The following CRTAP variants were observed in gnomAD, a reference collection of about 807,000 sequenced individuals.
CRTAP encodes the protein cartilage associated protein, also known as cartilage-associated protein.
CRTAP carries 33 observed loss-of-function variants against 42.7 expected under a neutral mutation model. That is an observed-to-expected ratio of 0.77 (90% CI 0.59 to 1.03). The LOEUF (loss-of-function observed/expected upper bound fraction) is 1.03. CRTAP is among the 50% of genes least tolerant of loss of function. The pLI, the probability that CRTAP is intolerant of heterozygous loss-of-function variation, is 0.00. For synonymous variants in CRTAP, 243 were observed against 217.7 expected (o/e 1.12, Z -1.02); for missense variants, 613 against 533.9 (o/e 1.15, Z -1.46).
chr3:33,130,929 A>G lies in CRTAP; in HGVS notation c.922+862A>G, dbSNP rs556194913. Among the ~76,000 whole-genome samples the G allele has an allele frequency of 3.3e-5, 5 of 152,134 alleles. No homozygotes were observed. In the East Asian group the frequency reaches 9.6e-4, roughly 29 times the overall value. Reference sequence around the variant, plus strand: ...ACAATGGGAAGCAAACGTGGGAGAGAAGGAAGTTCAGGGTTAGACTTCAGA... The same window carrying G: ...ACAATGGGAAGCAAACGTGGGAGAGGAGGAAGTTCAGGGTTAGACTTCAGA... On this transcript the variant is annotated intron_variant, in intron 4 of 6. Coordinates refer to ENST00000320954, the MANE Select transcript of CRTAP (RefSeq NM_006371.5).
rs375037143 is a variant in CRTAP, at chr3:33,119,945, C to T, written c.472-399C>T. 5.3e-5 allele frequency among the ~76,000 whole-genome samples: 8 copies of T among 152,180 alleles called. No homozygotes were observed. In the East Asian group the frequency reaches 7.7e-4, roughly 15 times the overall value. ...TAAGGGACATAGCAGCCCAAGAGGA[C>T]TGTGCAGGGAGGGAACCAGGAAATG... On this transcript the variant is annotated intron_variant, in intron 1 of 6. Transcript: ENST00000320954.
chr3:33,124,715 A>G, intron 3 of CRTAP, 136 bp downstream of exon 3: 1 of 982,374 alleles, frequency 1.0e-6, no homozygotes, highest in Non-Finnish European at 1.6e-6. Context: ...CGGGTAACTG[A>G]GGGTAGTCAC....
At chr3:33,126,624 G>A (rs1231573154) in intron 3 of CRTAP, among the ~76,000 whole-genome samples, 2 of 152,166 alleles carry the variant, frequency 1.3e-5, no homozygotes, top group Non-Finnish European at 2.9e-5. Flanking sequence ...TATATGTATT[G>A]TAAATCAAAG....
chr3:33,134,119 C>G lies in CRTAP; in HGVS notation c.1069-63C>G, dbSNP rs377343012. The G allele has an allele frequency of 1.2e-4, 131 of 1,127,596 alleles. No individual in the cohort carries two copies. The African/African-American group carries it at 1.6e-3, about 14-fold the overall frequency. The allele number at this position is 1,127,596 out of a possible 1,614,324, so 69.8% of individuals were successfully genotyped here. A position where few individuals can be genotyped will look rare whatever the true frequency, so the allele number is the denominator to read the frequency against. On this transcript the variant is annotated intron_variant, in intron 5 of 6. Transcript: ENST00000320954. ...AAAAAACCCCATATCCTGTTCCTCC[C>G]TCCTCCCAGTTCTAAGATGAAAAGG...
rs1553617156 is a variant in CRTAP at position 33,125,503 on chromosome 3, T to TTG, written c.793+925_793+926insGT. Among the ~76,000 whole-genome samples, 7 of 146,396 alleles carry TTG rather than the reference T, an allele frequency of 4.8e-5. 1 individual carries two copies. Among genetic ancestry groups the TTG allele is most frequent in the South Asian group, 2.2e-4 (1 of 4,538 alleles). ...TTCTACAAAGTAGGTTTTTTTTTTT[T>TTG]TTTTTTTTTTTTGCCTTAAGAAAAC... On this transcript the variant is annotated intron_variant, in intron 3 of 6. Transcript: ENST00000320954.
intron 2 of CRTAP, among the ~76,000 whole-genome samples, chr3:33,120,798 C>G (rs1212185427): frequency 2.0e-5 from 3 of 151,864 alleles, no homozygotes; most frequent in Non-Finnish European, 2.9e-5. Context: ...TCTAAAATGA[C>G]CAGGAACACA....
At position 33,142,595 on chromosome 3, in the gene CRTAP, T is replaced by C; in HGVS notation, c.*147T>C. The C allele has an allele frequency of 2.9e-6, 2 of 701,352 alleles. No homozygotes were observed. The highest frequency in any genetic ancestry group is 4.9e-6 in the Non-Finnish European group (2 of 407,916). 43.4% of individuals were successfully genotyped at this position (701,352 alleles called of 1,614,324 possible). A position where few individuals can be genotyped will look rare whatever the true frequency, so the allele number is the denominator to read the frequency against. On this transcript the variant is annotated 3_prime_UTR_variant, in exon 7 of 7. Transcript: ENST00000320954. ...AAGCCCCCGTCTCTCTAACTGCATG[T>C]CATCAGGGGTGAGCCTGCCTTTCCT...
chr3:33,140,263 C>T (rs767061669), intron 6 of CRTAP, among the ~76,000 whole-genome samples: 103 of 152,304 alleles, frequency 6.8e-4, no homozygotes, highest in African/African-American at 1.3e-3. Flanking sequence ...CTAATGAACA[C>T]GCCAAGCTTA....
intron 1 of CRTAP, among the ~76,000 whole-genome samples, chr3:33,118,110 G>C (rs1483054350): frequency 6.6e-6 from 1 of 152,060 alleles, no homozygotes; most frequent in Non-Finnish European, 1.5e-5. Flanking sequence ...ACAAGCACCT[G>C]CCACTGTGCC....
In CRTAP at chr3:33,114,036, T is replaced by TC; in HGVS notation, c.-39dup. 1 of 1,389,972 alleles carries TC rather than the reference T, an allele frequency of 7.2e-7. No homozygotes were observed. Among genetic ancestry groups the TC allele is most frequent in the Non-Finnish European group, 9.5e-7 (1 of 1,058,178 alleles). The allele number at this position is 1,389,972 out of a possible 1,614,324, so 86.1% of individuals were successfully genotyped here. On this transcript the variant is annotated 5_prime_UTR_variant, in exon 1 of 7. Transcript: ENST00000320954. ...TTTCCTTTCCTTCTCCCTCCCCTTT[T>TC]CCCTTCCTTCGTCCCTTCCTTCCTT...
intron 2 of CRTAP, 124 bp downstream of exon 2, chr3:33,120,617 T>C (rs964141037): frequency 7.0e-7 from 1 of 1,419,546 alleles, no homozygotes; most frequent in Admixed American, 2.0e-5. Context: ...CTGAATATTA[T>C]GACAATAGAA....
intron 2 of CRTAP, among the ~76,000 whole-genome samples, chr3:33,122,374 G>A (rs373904514): frequency 6.6e-6 from 1 of 151,994 alleles, no homozygotes; most frequent in Non-Finnish European, 1.5e-5. Flanking sequence ...TTCTCAGCCT[G>A]TCTTATTTCC....
intron 5 of CRTAP, among the ~76,000 whole-genome samples, chr3:33,133,138 ACTC>A (rs2030318727): frequency 1.3e-5 from 2 of 152,224 alleles, no homozygotes; most frequent in Admixed American, 1.3e-4. Context: ...ATCTGTAAAA[ACTC>A]TACAAATTTC....
chr3:33,126,606 C>G (rs1293425899), intron 3 of CRTAP, among the ~76,000 whole-genome samples: 1 of 152,138 alleles, frequency 6.6e-6, no homozygotes, highest in East Asian at 1.9e-4. Flanking sequence ...TTTGATACAG[C>G]TAAGATATAT....
At chr3:33,114,722 C>G (rs569782999) in intron 1 of CRTAP, among the ~76,000 whole-genome samples, 174 bp downstream of exon 1, 22 of 152,348 alleles carry the variant, frequency 1.4e-4, no homozygotes, top group African/African-American at 5.3e-4. Flanking sequence ...TTCATCTCAA[C>G]TAGAGATGAA....
chr3:33,140,661 CA>C (rs11308010), intron 6 of CRTAP, among the ~76,000 whole-genome samples: 6,633 of 152,258 alleles, frequency 0.044, 378 homozygotes, highest in African/African-American at 0.13. Context: ...AGGTTTATTA[CA>C]GTTTCAGAAA....
intron 3 of CRTAP, among the ~76,000 whole-genome samples, chr3:33,129,721 T>TA (rs1269680614): frequency 2.6e-5 from 4 of 151,826 alleles, no homozygotes; most frequent in South Asian, 2.1e-4. Flanking sequence ...GTATTTTTAG[T>TA]GAGACAGGGT....
rs72659359 is a variant in CRTAP, at chr3:33,114,549, G to C, written c.471+1G>C. On this transcript the variant is annotated splice_donor_variant, in intron 1 of 6. Coordinates refer to ENST00000320954, the MANE Select transcript of CRTAP (RefSeq NM_006371.5). LOFTEE classifies it high-confidence loss of function. ...GTTCCTGCAGTTCGCTTACTTCAAGGCAAGTCCGCCTCGCCCCGTCCCAGG... is the reference window on the plus strand; with the variant it reads ...GTTCCTGCAGTTCGCTTACTTCAAGCCAAGTCCGCCTCGCCCCGTCCCAGG... 6.3e-7 allele frequency: 1 copy of C among 1,581,994 alleles called. No individual in the cohort carries two copies. Among genetic ancestry groups the C allele is most frequent in the Non-Finnish European group, 8.6e-7 (1 of 1,165,282 alleles).
intron 1 of CRTAP, among the ~76,000 whole-genome samples, chr3:33,115,073 A>G (rs147360391): frequency 1.6e-4 from 24 of 152,208 alleles, no homozygotes; most frequent in African/African-American, 5.3e-4. Context: ...CCTCCTGAGT[A>G]GCTGGGATTA....
Sources: allele counts gnomAD v4.1 joint callset (sites outside exome capture counted in the v4.1 genomes callset), GRCh38; gene constraint gnomAD v4.1.1; transcripts MANE v1.5; gene names NCBI Gene and HGNC (gene_info 2026-07-23, HGNC 2026-07-21).